Variants in ZNF155 observed in about 807,000 individuals in gnomAD.
ZNF155 encodes KRAB A domain.
A neutral mutation model predicts 11.9 loss-of-function variants in ZNF155; 15 were observed. The observed-to-expected ratio is 1.26, with a 90% CI of 0.84 to 1.94. The LOEUF (loss-of-function observed/expected upper bound fraction) is 1.94. Ranked by LOEUF, ZNF155 falls within the 30% of genes most tolerant of loss-of-function variation. The probability of loss-of-function intolerance (pLI) is 0.00; values close to 1 mark genes in which losing one functional copy is unlikely to be tolerated. For missense variants in ZNF155, 602 were observed against 639.1 expected (o/e 0.94, Z 0.63); for synonymous variants, 212 against 219.9 (o/e 0.96, Z 0.32).
At position 43,997,127 on chromosome 19, in the gene ZNF155, G is replaced by T. The variant is rs771405747; in HGVS notation, c.1270G>T (p.Gly424Cys). Residue 424 changes from glycine to cysteine, a missense_variant, in exon 5 of 5, where the codon GGT (glycine) becomes TGT (cysteine). By Grantham distance (159) the Gly-to-Cys change is radical. Transcript: ENST00000270014. Reference sequence around the variant, plus strand: ...GTCTTCCCATCAGAGATCCCACAGTGGTGAAAAGCCATATAAATGTGAGGA... The same window carrying T: ...GTCTTCCCATCAGAGATCCCACAGTTGTGAAAAGCCATATAAATGTGAGGA... ...QLSSHQRSHS[G>C]EKPYKCEECG... is the part of the protein sequence containing the mutation. 7.4e-6 allele frequency: 12 copies of T among 1,614,168 alleles called. No homozygotes were observed. Among genetic ancestry groups the T allele is most frequent in the Non-Finnish European group, 8.5e-6 (10 of 1,180,026 alleles).
rs746403774 is a variant in ZNF155 at position 43,997,230 on chromosome 19, G to C, written c.1373G>C (p.Cys458Ser). The C allele has an allele frequency of 3.7e-6, 6 of 1,614,142 alleles. 1 individual carries two copies. The South Asian group carries it at 6.6e-5, about 18-fold the overall frequency. The change falls in exon 5 of 5, where the codon TGT becomes TCT. Residue 458 changes from cysteine (C) to serine (S), a missense_variant. By Grantham distance (112) the Cys-to-Ser change is moderately radical. Coordinates refer to ENST00000270014, the MANE Select transcript of ZNF155 (RefSeq NM_198089.3). ...RVHTGERPYN[C>S]KECGKNFSRA... Reference sequence around the variant, plus strand: ...CACACGGGAGAGAGACCTTATAATTGTAAGGAATGTGGGAAGAACTTTAGC... The same window carrying C: ...CACACGGGAGAGAGACCTTATAATTCTAAGGAATGTGGGAAGAACTTTAGC...
At chr19:43,985,533 CTTTTT>C (rs752604890) in intron 1 of ZNF155, among the ~76,000 whole-genome samples, 4 of 97,876 alleles carry the variant, frequency 4.1e-5, no homozygotes, top group Non-Finnish European at 9.0e-5. Flanking sequence ...TGCTCTTTTT[CTTTTT>C]TTTTTTTTTT....
rs1975966441 is a variant in ZNF155 at position 43,997,958 on chromosome 19, G to C, written c.*484G>C. On this transcript the variant is annotated 3_prime_UTR_variant, in exon 5 of 5. Transcript: ENST00000270014. ...AACACAGTGGGCTTCAGTAGGTTCA[G>C]GTTGGCACTTTCTTTTGTGGAAAAG... is the stretch of plus-strand genomic sequence containing the variant. 1 of 154,016 alleles carries C rather than the reference G, an allele frequency of 6.5e-6. No homozygotes were observed. Among genetic ancestry groups the C allele is most frequent in the African/African-American group, 2.4e-5 (1 of 41,440 alleles). 9.5% of individuals were successfully genotyped at this position (154,016 alleles called of 1,614,324 possible). A position where few individuals can be genotyped will look rare whatever the true frequency, so the allele number is the denominator to read the frequency against.
intron 2 of ZNF155, chr19:43,990,063 T>C (rs381983): frequency 0.31 from 463,252 of 1,513,258 alleles, 76,363 homozygotes; most frequent in East Asian, 0.53. Flanking sequence ...CTGCTCTTGG[T>C]CATGATAAAG....
chr19:43,997,581 T>C lies in ZNF155; in HGVS notation c.*107T>C. 9.3e-7 allele frequency: 1 copy of C among 1,076,826 alleles called. No individual in the cohort carries two copies. The allele number at this position is 1,076,826 out of a possible 1,614,324, so 66.7% of individuals were successfully genotyped here. ...TCTGTTACCTCAAACATTTACCATT[T>C]CTTTGTGTTGGAAAATTCAAAATCC... is the stretch of plus-strand genomic sequence containing the variant. On this transcript the variant is annotated 3_prime_UTR_variant, in exon 5 of 5. Coordinates refer to ENST00000270014, the MANE Select transcript of ZNF155 (RefSeq NM_198089.3).
In ZNF155 at chr19:43,991,605, C is replaced by G; in HGVS notation, c.73C>G (p.Leu25Val). ...VVFTEEELGL[L>V]DPAQRKLYRD... ...CTTCACTGAGGAGGAGCTGGGGCTG[C>G]TGGACCCTGCCCAGAGGAAGCTGTA... is the stretch of plus-strand genomic sequence containing the variant. Residue 25 changes from leucine (L) to valine (V), a missense_variant, in exon 3 of 5, where the codon CTG (leucine) becomes GTG (valine). Coordinates refer to ENST00000270014, the MANE Select transcript of ZNF155 (RefSeq NM_198089.3). The G allele has an allele frequency of 6.2e-7, 1 of 1,614,112 alleles. No individual in the cohort carries two copies. Among genetic ancestry groups the G allele is most frequent in the Non-Finnish European group, 8.5e-7 (1 of 1,180,012 alleles).
intron 4 of ZNF155, among the ~76,000 whole-genome samples, chr19:43,994,719 T>G (rs1047682902): frequency 6.6e-6 from 1 of 152,208 alleles, no homozygotes; most frequent in Non-Finnish European, 1.5e-5. Context: ...GATTAAGGTA[T>G]GACTTAGACT....
Position 43,988,518 on chromosome 19 carries a change from G to A in ZNF155, c.-26G>A. Reference sequence around the variant, plus strand: ...TTCAAACTGCATCACCCAGGAGTCTGCAAATTCCCCAAAGTAGGAGGAAAA... The same window carrying A: ...TTCAAACTGCATCACCCAGGAGTCTACAAATTCCCCAAAGTAGGAGGAAAA... On this transcript the variant is annotated 5_prime_UTR_variant, in exon 2 of 5. Coordinates refer to ENST00000270014, the MANE Select transcript of ZNF155 (RefSeq NM_198089.3). 1.2e-6 allele frequency: 2 copies of A among 1,605,940 alleles called. No individual in the cohort carries two copies. The highest frequency in any genetic ancestry group is 2.2e-5 in the East Asian group (1 of 44,758).
At chr19:43,988,378 T>C (rs2062924610) in intron 1 of ZNF155, 81 bp from the exon 2 acceptor site, 2 of 517,038 alleles carry the variant, frequency 3.9e-6, no homozygotes, top group South Asian at 7.9e-5. Context: ...CTTGGTTGTG[T>C]GCAGTTTGGG....
At chr19:43,985,952 A>G (rs1323037422) in intron 1 of ZNF155, among the ~76,000 whole-genome samples, 1 of 152,202 alleles carries the variant, frequency 6.6e-6, no homozygotes, top group Non-Finnish European at 1.5e-5. Context: ...TGAGTTGATC[A>G]TCCCTTGGAT....
rs1975872990 is a variant in ZNF155, at chr19:43,996,514, G to A, written c.657G>A (p.Leu219=). The change falls in exon 5 of 5, where the codon CTG becomes CTA. Residue 219 remains leucine (L), a synonymous_variant. Coordinates refer to ENST00000270014, the MANE Select transcript of ZNF155 (RefSeq NM_198089.3). ...CGKEFSQSSH[L]QTHQRVHTGE... ...AGGAATTTAGTCAAAGCTCACATCT[G>A]CAAACTCATCAGAGAGTCCACACTG... 2 of 1,614,154 alleles carry A rather than the reference G, an allele frequency of 1.2e-6. No homozygotes were observed. The highest frequency in any genetic ancestry group is 1.7e-6 in the Non-Finnish European group (2 of 1,180,014).
At chr19:43,994,622 C>G (rs532793512) in intron 4 of ZNF155, among the ~76,000 whole-genome samples, 21 of 152,270 alleles carry the variant, frequency 1.4e-4, no homozygotes, top group African/African-American at 4.6e-4. Context: ...AGAGAAAAAC[C>G]AAATAAAACA....
In ZNF155 at chr19:43,996,732, T is replaced by C. The variant is rs1259168266; in HGVS notation, c.875T>C (p.Ile292Thr). 1.2e-6 allele frequency: 2 copies of C among 1,613,920 alleles called. No homozygotes were observed. Among genetic ancestry groups the C allele is most frequent in the Admixed American group, 1.7e-5 (1 of 60,016 alleles). The change falls in exon 5 of 5, where the codon ATA (isoleucine) becomes ACA (threonine). Residue 292 changes from isoleucine to threonine, a missense_variant. Transcript: ENST00000270014. The stretch of plus-strand genomic sequence containing the variant: ...GGGGAGAAACCATTCAAATGTGATA[T>C]ATGTGGTAAGACCTTCTATTTTAGG... ...HTGEKPFKCDICGKTFYFRSR... is the reference protein window; with the variant it reads ...HTGEKPFKCDTCGKTFYFRSR...
intron 1 of ZNF155, among the ~76,000 whole-genome samples, chr19:43,985,666 T>C (rs1035170038): frequency 5.3e-5 from 8 of 151,060 alleles, no homozygotes; most frequent in African/African-American, 9.7e-5. Flanking sequence ...TTCAGCCTCC[T>C]AAGTAGCTGG....
At chr19:43,991,042 C>A (rs1469308113) in intron 2 of ZNF155, among the ~76,000 whole-genome samples, 1 of 152,154 alleles carries the variant, frequency 6.6e-6, no homozygotes, top group Non-Finnish European at 1.5e-5. Context: ...CTAGCATGTT[C>A]TATGTTTATT....
chr19:43,990,868 G>A (rs1975634276), intron 2 of ZNF155, among the ~76,000 whole-genome samples: 1 of 152,258 alleles, frequency 6.6e-6, no homozygotes, highest in East Asian at 1.9e-4. Flanking sequence ...TGAAGAAAAC[G>A]TCCTGGGGTG....
intron 4 of ZNF155, among the ~76,000 whole-genome samples, chr19:43,995,051 A>G (rs145760739): frequency 2.5e-3 from 380 of 152,212 alleles, no homozygotes; most frequent in Non-Finnish European, 3.9e-3. Flanking sequence ...TCAGGATCCT[A>G]GAGATTACCT....
intron 2 of ZNF155, among the ~76,000 whole-genome samples, chr19:43,989,210 T>G (rs1334163850): frequency 3.9e-5 from 6 of 152,234 alleles, no homozygotes; most frequent in African/African-American, 9.6e-5. Flanking sequence ...ACAAATATTG[T>G]TGGAGTTTTC....
At chr19:43,989,520 G>A (rs560212629) in intron 2 of ZNF155, among the ~76,000 whole-genome samples, 25 of 152,194 alleles carry the variant, frequency 1.6e-4, no homozygotes, top group African/African-American at 5.5e-4. Flanking sequence ...TTAGCCATTC[G>A]GCTCAGGTGA....
Sources: allele counts gnomAD v4.1 joint callset (sites outside exome capture counted in the v4.1 genomes callset), GRCh38; gene constraint gnomAD v4.1.1; transcripts MANE v1.5; gene names NCBI Gene and HGNC (gene_info 2026-07-23, HGNC 2026-07-21).